QSOX1: variants seen among roughly 807,000 people sequenced by gnomAD.
The protein encoded by QSOX1 is quiescin sulfhydryl oxidase 1, also known as sulfhydryl oxidase 1.
QSOX1 carries 40 observed loss-of-function variants against 76.1 expected under a neutral mutation model. The ratio of observed to expected loss-of-function variants is 0.53; its 90% confidence interval spans 0.41 to 0.68. QSOX1 has a LOEUF of 0.68. QSOX1 is among the 30% of genes least tolerant of loss of function. The probability of loss-of-function intolerance (pLI) is 0.00; values close to 1 mark genes in which losing one functional copy is unlikely to be tolerated. For missense variants in QSOX1, 931 were observed against 974.3 expected (o/e 0.96, Z 0.59); for synonymous variants, 392 against 413.1 (o/e 0.95, Z 0.62).
In QSOX1 at chr1:180,194,999, G is replaced by A. The variant is rs7513713; in HGVS notation, c.1468+607G>A. Among the ~76,000 whole-genome samples the A allele has an allele frequency of 1.7e-4, 26 of 150,318 alleles. 1 individual carries two copies. Among genetic ancestry groups the A allele is most frequent in the African/African-American group, 6.5e-4 (26 of 40,156 alleles). ...GCACGTGGCTGTGACAGCCTCCCGG[G>A]GGGGGGAGACCAGGGCGGAGCCGAG... On this transcript the variant is annotated intron_variant, in intron 11 of 11. Coordinates refer to ENST00000367602, the MANE Select transcript of QSOX1 (RefSeq NM_002826.5).
chr1:180,166,182 A>G (rs1262206784), intron 1 of QSOX1, among the ~76,000 whole-genome samples: 1 of 152,164 alleles, frequency 6.6e-6, no homozygotes, highest in African/African-American at 2.4e-5. Flanking sequence ...GAGCAGGGCA[A>G]ACTCCTTCAA....
intron 6 of QSOX1, 113 bp downstream of exon 6, chr1:180,182,432 G>C (rs1663063452): frequency 3.5e-6 from 5 of 1,412,890 alleles, no homozygotes; most frequent in East Asian, 4.6e-5. Context: ...TTTCTGAAGA[G>C]CCCCCTCAGG....
intron 6 of QSOX1, among the ~76,000 whole-genome samples, chr1:180,183,590 A>T (rs1321670107): frequency 6.6e-6 from 1 of 152,144 alleles, no homozygotes; most frequent in African/African-American, 2.4e-5. Context: ...GTCTGTGGGC[A>T]CCGGGCTGTC....
chr1:180,165,403 C>A (rs1271769768), intron 1 of QSOX1, among the ~76,000 whole-genome samples: 1 of 152,252 alleles, frequency 6.6e-6, no homozygotes, highest in East Asian at 1.9e-4. Context: ...CCAGTCTGGT[C>A]TCTTCTTGCT....
At chr1:180,182,614 C>T (rs191060040) in intron 6 of QSOX1, among the ~76,000 whole-genome samples, 12 of 152,314 alleles carry the variant, frequency 7.9e-5, no homozygotes, top group African/African-American at 2.9e-4. Flanking sequence ...TCTTCTCCAC[C>T]CTCTTCTGTT....
chr1:180,171,611 C>G (rs1662761374), intron 2 of QSOX1, among the ~76,000 whole-genome samples: 1 of 152,214 alleles, frequency 6.6e-6, no homozygotes, highest in Admixed American at 6.5e-5. Context: ...TCCCTTTATC[C>G]ACTCATCATT....
In QSOX1 at chr1:180,197,411, A is replaced by T. The variant is rs1663525650; in HGVS notation, c.*374A>T. On this transcript the variant is annotated 3_prime_UTR_variant, in exon 12 of 12. Transcript: ENST00000367602. Reference sequence around the variant, plus strand: ...TCTTGGCCCTCAACTGGGGCAAGTGAAGCCAGAGGAGGGTCCCCCAGCTGG... The same window carrying T: ...TCTTGGCCCTCAACTGGGGCAAGTGTAGCCAGAGGAGGGTCCCCCAGCTGG... The T allele has an allele frequency of 3.1e-6, 5 of 1,608,392 alleles. No homozygotes were observed. The highest frequency in any genetic ancestry group is 1.7e-4 in the Middle Eastern group (1 of 6,050).
At chr1:180,172,050 T>C (rs1325507826) in intron 2 of QSOX1, among the ~76,000 whole-genome samples, 1 of 152,082 alleles carries the variant, frequency 6.6e-6, no homozygotes, top group Non-Finnish European at 1.5e-5. Context: ...GAGAGCAGTC[T>C]GAGGAGCAAG....
At chr1:180,176,475 T>G (rs12071926) in intron 4 of QSOX1, among the ~76,000 whole-genome samples, 3 of 151,954 alleles carry the variant, frequency 2.0e-5, no homozygotes, top group African/African-American at 7.3e-5. Context: ...TTGAGGGAAA[T>G]TGGGGGGAGG....
chr1:180,184,687 G>T (rs917465181), intron 7 of QSOX1, among the ~76,000 whole-genome samples: 1 of 152,128 alleles, frequency 6.6e-6, no homozygotes, highest in Non-Finnish European at 1.5e-5. Context: ...TCCTGCACTG[G>T]TACCAGCTGC....
intron 1 of QSOX1, 48 bp downstream of exon 1, chr1:180,155,220 C>A: frequency 1.4e-6 from 2 of 1,411,468 alleles, no homozygotes; most frequent in Non-Finnish European, 9.2e-7. Flanking sequence ...CGCCCGGACC[C>A]CTCCACCTGC....
intron 6 of QSOX1, among the ~76,000 whole-genome samples, chr1:180,183,460 C>T (rs1473325854): frequency 6.6e-6 from 1 of 152,258 alleles, no homozygotes; most frequent in Non-Finnish European, 1.5e-5. Context: ...CCATATCAAA[C>T]TCCCTGGACT....
chr1:180,161,617 T>G (rs1273141732), intron 1 of QSOX1, among the ~76,000 whole-genome samples: 1 of 152,240 alleles, frequency 6.6e-6, no homozygotes, highest in Non-Finnish European at 1.5e-5. Flanking sequence ...TCCATTTTTG[T>G]TCACAAGAGT....
intron 2 of QSOX1, among the ~76,000 whole-genome samples, chr1:180,168,742 T>C (rs1386706343): frequency 6.6e-6 from 1 of 152,156 alleles, no homozygotes; most frequent in Non-Finnish European, 1.5e-5. Context: ...TTTCTAGTGT[T>C]TGGAAAACAC....
chr1:180,167,412 T>C (rs1662655555), intron 2 of QSOX1, among the ~76,000 whole-genome samples: 1 of 152,218 alleles, frequency 6.6e-6, no homozygotes, highest in South Asian at 2.1e-4. Flanking sequence ...GAAATGCCTT[T>C]GAAAGCTGAA....
intron 2 of QSOX1, among the ~76,000 whole-genome samples, chr1:180,168,272 G>A (rs2149232504): frequency 6.6e-6 from 1 of 152,258 alleles, no homozygotes; most frequent in East Asian, 1.9e-4. Context: ...TGTGGGAGGG[G>A]CACTGGGAGG....
intron 1 of QSOX1, among the ~76,000 whole-genome samples, chr1:180,156,183 C>T (rs1206592837): frequency 6.6e-6 from 1 of 152,242 alleles, no homozygotes; most frequent in Non-Finnish European, 1.5e-5. Flanking sequence ...TACATTGTCT[C>T]ATAGTTTCCT....
intron 4 of QSOX1, 143 bp from the exon 5 acceptor site, chr1:180,178,651 T>C: frequency 2.9e-6 from 2 of 693,544 alleles, no homozygotes; most frequent in Non-Finnish European, 5.1e-6. Context: ...TTTGGTTGAC[T>C]CCCTTGGAGG....
intron 1 of QSOX1, among the ~76,000 whole-genome samples, chr1:180,163,483 A>G (rs762385747): frequency 6.6e-6 from 1 of 152,202 alleles, no homozygotes; most frequent in Non-Finnish European, 1.5e-5. Flanking sequence ...TCTTCTATTA[A>G]CATTCACCAT....
Sources: gnomAD v4.1 joint callset for allele counts (sites outside exome capture counted in the v4.1 genomes callset) on GRCh38, gnomAD v4.1.1 for gene constraint, MANE v1.5 for transcripts, NCBI Gene and HGNC (gene_info 2026-07-23, HGNC 2026-07-21) for gene names.